MGAM2: variants seen among roughly 807,000 people sequenced by gnomAD.
MGAM2 encodes probable maltase-glucoamylase 2.
MGAM2 carries 98 observed loss-of-function variants against 96.1 expected under a neutral mutation model. The observed-to-expected ratio is 1.02, with a 90% CI of 0.87 to 1.21. The LOEUF (loss-of-function observed/expected upper bound fraction) is 1.21. Ranked by LOEUF, MGAM2 falls within the 50% of genes most tolerant of loss-of-function variation. The pLI, the probability that MGAM2 is intolerant of heterozygous loss-of-function variation, is 0.00. For missense variants in MGAM2, 2,055 were observed against 1,182.4 expected (o/e 1.74, Z -10.82); for synonymous variants, 749 against 414.8 (o/e 1.81, Z -9.79).
intron 43 of MGAM2, 78 bp from the exon 44 acceptor site, chr7:142,198,537 G>C (rs1797122580): frequency 3.1e-6 from 2 of 644,616 alleles, no homozygotes; most frequent in Admixed American, 4.5e-5. Flanking sequence ...CCCAGGAAAG[G>C]AAGGACTTGT....
intron 15 of MGAM2, among the ~76,000 whole-genome samples, chr7:142,150,654 C>CGT (rs1795551182): frequency 6.6e-6 from 1 of 152,108 alleles, no homozygotes; most frequent in African/African-American, 2.4e-5. Flanking sequence ...GTGTATTGAA[C>CGT]GTATGTTAAA....
At chr7:142,203,924 T>C (rs541071556) in intron 45 of MGAM2, among the ~76,000 whole-genome samples, 2 of 152,240 alleles carry the variant, frequency 1.3e-5, no homozygotes, top group South Asian at 4.1e-4. Context: ...TTCTTCTTTT[T>C]CTTTGGTTAT....
In MGAM2 at chr7:142,154,912, T is replaced by C. The variant is rs1795691821; in HGVS notation, c.1923+67T>C. 10 of 694,508 alleles carry C rather than the reference T, an allele frequency of 1.4e-5. No homozygotes were observed. The East Asian group carries it at 2.7e-4, about 19-fold the overall frequency. 43.0% of individuals were successfully genotyped at this position (694,508 alleles called of 1,614,324 possible). ...CTAATCTACTGGCTCTTAAAGGGGATTTGAGGAAAATAGTACTACAGGTTG... is the reference window on the plus strand; with the variant it reads ...CTAATCTACTGGCTCTTAAAGGGGACTTGAGGAAAATAGTACTACAGGTTG... On this transcript the variant is annotated intron_variant, in intron 17 of 47. Transcript: ENST00000477922.
intron 19 of MGAM2, 97 bp from the exon 20 acceptor site, chr7:142,159,190 G>C: frequency 1.5e-6 from 1 of 667,400 alleles, no homozygotes; most frequent in Admixed American, 2.1e-5. Flanking sequence ...CCATCTCTCA[G>C]GATTGTTCAG....
At chr7:142,191,592 C>A (rs1343158311) in intron 37 of MGAM2, among the ~76,000 whole-genome samples, 1 of 151,492 alleles carries the variant, frequency 6.6e-6, no homozygotes, top group African/African-American at 2.4e-5. Context: ...TTTCATTGAT[C>A]TCTCTCTCTC....
At chr7:142,172,629 C>G in intron 29 of MGAM2, 23 bp from the exon 30 acceptor site, 1 of 687,268 alleles carries the variant, frequency 1.5e-6, no homozygotes, top group Non-Finnish European at 2.6e-6. Flanking sequence ...GGATGTGCCT[C>G]ATGTGTGTTG....
chr7:142,155,661 A>G (rs1795713019), intron 17 of MGAM2, among the ~76,000 whole-genome samples: 1 of 152,168 alleles, frequency 6.6e-6, no homozygotes, highest in South Asian at 2.1e-4. Context: ...AACTATTTCT[A>G]AATGTCTTAA....
Position 142,201,071 on chromosome 7 carries a change from C to CTTTTTTTTTTTTTTTTT in MGAM2, c.5137+1113_5137+1114insTTTTTTTTTTTTTTTTT, listed in dbSNP as rs72092512. Among the ~76,000 whole-genome samples the CTTTTTTTTTTTTTTTTT allele has an allele frequency of 9.5e-5, 8 of 84,382 alleles. 3 individuals are homozygous for CTTTTTTTTTTTTTTTTT. The highest frequency in any genetic ancestry group is 1.1e-4 in the Non-Finnish European group (5 of 46,998). 55.4% of individuals were successfully genotyped at this position (84,382 alleles called of 152,430 possible). A position where few individuals can be genotyped will look rare whatever the true frequency, so the allele number is the denominator to read the frequency against. ...CATTGTTATAAATAACATCCTTTTT[C>CTTTTTTTTTTTTTTTTT]TTTTTTTTTTCTTTTTTTTTTTTTT... On this transcript the variant is annotated intron_variant, in intron 45 of 47. Transcript: ENST00000477922.
intron 37 of MGAM2, among the ~76,000 whole-genome samples, chr7:142,193,382 C>A (rs902685347): frequency 1.3e-5 from 2 of 152,062 alleles, no homozygotes; most frequent in African/African-American, 4.8e-5. Flanking sequence ...GGGGAGAAGA[C>A]CATGTCTTCT....
chr7:142,131,161 C>T (rs1201160656), intron 4 of MGAM2, 90 bp downstream of exon 4: 1 of 660,100 alleles, frequency 1.5e-6, no homozygotes, highest in East Asian at 2.7e-5. Context: ...AAAAGTCAGG[C>T]AGGCGTGGTG....
chr7:142,220,803 G>C lies in MGAM2; in HGVS notation c.6292G>C (p.Val2098Leu). The C allele has an allele frequency of 1.4e-6, 1 of 702,072 alleles. No individual in the cohort carries two copies. Among genetic ancestry groups the C allele is most frequent in the South Asian group, 1.5e-5 (1 of 67,582 alleles). The allele number at this position is 702,072 out of a possible 1,614,324, so 43.5% of individuals were successfully genotyped here. The stretch of plus-strand genomic sequence containing the variant: ...TACTACTGTGAGTACTATTGCTACC[G>C]TTCCCATTTCAGTGACTCCTTCTCT... The part of the protein sequence containing the change: ...SSTTVSTIAT[V>L]PISVTPSLTS... The change falls in exon 48 of 48, where the codon GTT becomes CTT. Residue 2098 changes from valine (V) to leucine (L), a missense_variant. Transcript: ENST00000477922.
At chr7:142,157,393 AT>A (rs11287092) in intron 17 of MGAM2, among the ~76,000 whole-genome samples, 15,570 of 142,572 alleles carry the variant, frequency 0.11, 2,012 homozygotes, top group African/African-American at 0.33. Flanking sequence ...ACAGACACCA[AT>A]TTTTTTTTTT....
chr7:142,160,291 T>G (rs1321971051), intron 21 of MGAM2, 33 bp downstream of exon 21: 1 of 657,012 alleles, frequency 1.5e-6, no homozygotes, highest in Admixed American at 2.4e-5. Flanking sequence ...GTATGACTAT[T>G]CTGGTGCTCT....
At chr7:142,143,620 C>T in intron 12 of MGAM2, 149 bp from the exon 13 acceptor site, 1 of 436,918 alleles carries the variant, frequency 2.3e-6, no homozygotes, top group Non-Finnish European at 4.1e-6. Context: ...TCCTTGTATG[C>T]ATTTTATTGT....
chr7:142,208,404 C>T lies in MGAM2; in HGVS notation c.5138-169C>T, dbSNP rs1424242123. Reference sequence around the variant, plus strand: ...TTGCATTTGCACATCCCCACACTAACATGCAGTGAAATAGTCTCTTAGCCA... The same window carrying T: ...TTGCATTTGCACATCCCCACACTAATATGCAGTGAAATAGTCTCTTAGCCA... On this transcript the variant is annotated intron_variant, in intron 45 of 47. Transcript: ENST00000477922. The T allele has an allele frequency of 9.1e-6, 6 of 656,674 alleles. No individual in the cohort carries two copies. The East Asian group carries it at 1.4e-4, about 15-fold the overall frequency. The allele number at this position is 656,674 out of a possible 1,614,324, so 40.7% of individuals were successfully genotyped here. A position where few individuals can be genotyped will look rare whatever the true frequency, so the allele number is the denominator to read the frequency against.
Position 142,161,886 on chromosome 7 carries a change from GA to G in MGAM2, c.2435-67del, listed in dbSNP as rs1795898388. 20 of 595,774 alleles carry G rather than the reference GA, an allele frequency of 3.4e-5. No homozygotes were observed. In the South Asian group the frequency reaches 4.2e-4, roughly 12 times the overall value. The allele number at this position is 595,774 out of a possible 1,614,324, so 36.9% of individuals were successfully genotyped here. A position where few individuals can be genotyped will look rare whatever the true frequency, so the allele number is the denominator to read the frequency against. ...TTGGTAAAGGAATTCCAGATGAAATGAAGAGAAGAGCAGGACTCCCTGGCTG... is the reference window on the plus strand; with the variant it reads ...TTGGTAAAGGAATTCCAGATGAAATGAGAGAAGAGCAGGACTCCCTGGCTG... On this transcript the variant is annotated intron_variant, in intron 22 of 47. Transcript: ENST00000477922.
intron 32 of MGAM2, among the ~76,000 whole-genome samples, chr7:142,183,026 C>T (rs1201007699): frequency 1.3e-5 from 2 of 152,130 alleles, no homozygotes; most frequent in African/African-American, 4.8e-5. Flanking sequence ...AGAGATTACC[C>T]CTCATAAGGG....
chr7:142,146,003 A>C (rs1156600233), intron 14 of MGAM2, among the ~76,000 whole-genome samples: 3 of 152,108 alleles, frequency 2.0e-5, no homozygotes, highest in Non-Finnish European at 2.9e-5. Context: ...CCTTTTGGTC[A>C]CTTAAGGAGT....
intron 14 of MGAM2, 131 bp downstream of exon 14, chr7:142,145,076 C>G: frequency 1.7e-6 from 1 of 593,708 alleles, no homozygotes; most frequent in Middle Eastern, 2.6e-4. Context: ...GAGCACTCCT[C>G]TGCCGAAGTC....
Sources: gnomAD v4.1 joint callset for allele counts (sites outside exome capture counted in the v4.1 genomes callset) on GRCh38, gnomAD v4.1.1 for gene constraint, MANE v1.5 for transcripts, NCBI Gene and HGNC (gene_info 2026-07-23, HGNC 2026-07-21) for gene names.